Variants in PCDHGA1 observed in about 807,000 individuals in gnomAD.
PCDHGA1 encodes the protein protocadherin gamma-A1.
In PCDHGA1, 32 loss-of-function variants were observed where a neutral mutation model predicts 58.0. That is an observed-to-expected ratio of 0.55 (90% CI 0.42 to 0.74). The LOEUF (loss-of-function observed/expected upper bound fraction) is 0.74, where lower values mean the gene tolerates loss of function less well. Among genes scored for constraint, PCDHGA1 ranks in the 30% least tolerant of loss-of-function variants. PCDHGA1 has a pLI of 0.00. For synonymous variants in PCDHGA1, 498 were observed against 501.1 expected, an observed-to-expected ratio of 0.99 and a Z score of 0.08; for missense variants, 1,205 against 1,182.3, an observed-to-expected ratio of 1.02 and a Z score of -0.28.
chr5:141,337,259 A>G (rs930565025), intron 1 of PCDHGA1, among the ~76,000 whole-genome samples: 3 of 152,256 alleles, frequency 2.0e-5, no homozygotes, highest in African/African-American at 7.2e-5. Context: ...TAATCCAGCA[A>G]TTCCACTCTG....
At chr5:141,422,206 G>C (rs1269700250) in intron 1 of PCDHGA1, 2 of 1,562,442 alleles carry the variant, frequency 1.3e-6, no homozygotes, top group East Asian at 4.5e-5. Context: ...AGATGGTGGA[G>C]GTCTCTTTAC....
intron 1 of PCDHGA1, chr5:141,390,885 TGTGA>T (rs2092262333): frequency 6.5e-6 from 1 of 152,688 alleles, no homozygotes; most frequent in African/African-American, 2.4e-5. Flanking sequence ...TGTGTGTGTG[TGTGA>T]GAGAGATCCT....
chr5:141,376,309 C>A (rs775051431), intron 1 of PCDHGA1: 109 of 1,614,030 alleles, frequency 6.8e-5, no homozygotes, highest in Non-Finnish European at 8.9e-5. Context: ...ACTTTGTGGG[C>A]GTGGAAGGGG....
intron 2 of PCDHGA1, among the ~76,000 whole-genome samples, chr5:141,504,369 A>G (rs968327872): frequency 6.6e-5 from 10 of 152,272 alleles, no homozygotes; most frequent in Non-Finnish European, 1.2e-4. Context: ...AGTAGGAAGC[A>G]GGTGGAGTCG....
chr5:141,485,814 CT>C lies in PCDHGA1; in HGVS notation c.2422-8992del, dbSNP rs2099619658. On this transcript the variant is annotated intron_variant, in intron 1 of 3. Transcript: ENST00000517417. The surrounding 1 kb of genome is among the most constrained non-coding windows in gnomAD (Gnocchi z 5.7). ...TCGGACTACCGCCTGGTGCTGACTGCTGTCGATGGAGGGAACCCGCCGAGAT... is the reference window on the plus strand; with the variant it reads ...TCGGACTACCGCCTGGTGCTGACTGCGTCGATGGAGGGAACCCGCCGAGAT... The C allele has an allele frequency of 6.2e-7, 1 of 1,613,864 alleles. No individual in the cohort carries two copies. Among genetic ancestry groups the C allele is most frequent in the Non-Finnish European group, 8.5e-7 (1 of 1,179,990 alleles).
At position 141,331,680 on chromosome 5, in the gene PCDHGA1, G is replaced by C. The variant is rs763458710; in HGVS notation, c.996G>C (p.Lys332Asn). ...GTGCGGGGCTCATGGCTAAAGTTAAGGTACTGATCAAAGTTTTGGATGTAA... is the reference window on the plus strand; with the variant it reads ...GTGCGGGGCTCATGGCTAAAGTTAACGTACTGATCAAAGTTTTGGATGTAA... ...QDGAGLMAKV[K>N]VLIKVLDVND... Residue 332 changes from lysine (K) to asparagine (N), a missense_variant, in exon 1 of 4, where the codon AAG (lysine) becomes AAC (asparagine). Lys to Asn is a moderately conservative substitution (Grantham distance 94). Transcript: ENST00000517417. 1 of 1,613,938 alleles carries C rather than the reference G, an allele frequency of 6.2e-7. No individual in the cohort carries two copies. The highest frequency in any genetic ancestry group is 1.1e-5 in the South Asian group (1 of 91,072).
At chr5:141,376,453 T>C (rs779136467) in intron 1 of PCDHGA1, 2 of 1,614,048 alleles carry the variant, frequency 1.2e-6, no homozygotes, top group African/African-American at 2.7e-5. Flanking sequence ...AAAGCGAGCC[T>C]CTTCTGATAA....
At chr5:141,445,471 T>A (rs533909401) in intron 1 of PCDHGA1, among the ~76,000 whole-genome samples, 17 of 152,204 alleles carry the variant, frequency 1.1e-4, no homozygotes, top group Non-Finnish European at 2.4e-4. Context: ...AAGGCATATA[T>A]GATTCCTGAG....
At chr5:141,479,651 C>CAAA (rs931031810) in intron 1 of PCDHGA1, 2 of 152,124 alleles carry the variant, frequency 1.3e-5, no homozygotes, top group African/African-American at 2.4e-5. Flanking sequence ...ACAACAACAA[C>CAAA]AATCCCAGAA....
chr5:141,400,690 A>G (rs928893484), intron 1 of PCDHGA1: 6 of 790,238 alleles, frequency 7.6e-6, no homozygotes, highest in Non-Finnish European at 8.1e-6. Flanking sequence ...GTGAGTTTTT[A>G]TGTCGCATAA....
rs1167295957 is a variant in PCDHGA1 at position 141,382,977 on chromosome 5, CT to C, written c.2421+49873del. On this transcript the variant is annotated intron_variant, in intron 1 of 3. Coordinates refer to ENST00000517417, the MANE Select transcript of PCDHGA1 (RefSeq NM_018912.3). Reference sequence around the variant, plus strand: ...TCCTCCTGGGGACCCCCTGGGAAGCCTGGGCAGGACGTATTCTCTACTCCGT... The same window carrying C: ...TCCTCCTGGGGACCCCCTGGGAAGCCGGGCAGGACGTATTCTCTACTCCGT... The C allele has an allele frequency of 4.3e-6, 7 of 1,610,566 alleles. No homozygotes were observed. The South Asian group carries it at 7.7e-5, about 18-fold the overall frequency.
At chr5:141,359,388 T>C (rs960100027) in intron 1 of PCDHGA1, among the ~76,000 whole-genome samples, 6 of 152,096 alleles carry the variant, frequency 3.9e-5, no homozygotes, top group African/African-American at 9.7e-5. Context: ...ATTTATAACC[T>C]AAAATCAAAT....
At chr5:141,339,787 C>T in intron 1 of PCDHGA1, 2 of 1,614,204 alleles carry the variant, frequency 1.2e-6, no homozygotes, top group Non-Finnish European at 1.7e-6. Context: ...CAGATGAGGG[C>T]TACTACGCTC....
At position 141,434,771 on chromosome 5, in the gene PCDHGA1, TA is replaced by T. The variant is rs36031641; in HGVS notation, c.2422-60023del. On this transcript the variant is annotated intron_variant, in intron 1 of 3. Transcript: ENST00000517417. ...CCCCTGATTCCCCACTTCACACTTC[TA>T]AAAAAAAAAAAATTTTTTTTTCTGA... 2.5e-3 allele frequency among the ~76,000 whole-genome samples: 362 copies of T among 145,286 alleles called. 1 individual carries two copies. The highest frequency in any genetic ancestry group is 0.011 in the Middle Eastern group (3 of 280).
intron 1 of PCDHGA1, chr5:141,392,586 C>A: frequency 2.1e-6 from 1 of 478,230 alleles, no homozygotes; most frequent in Non-Finnish European, 3.7e-6. Flanking sequence ...GTAAGCGCCG[C>A]TGTTCACCTA....
chr5:141,400,516 C>T, intron 1 of PCDHGA1: 2 of 1,613,964 alleles, frequency 1.2e-6, no homozygotes, highest in African/African-American at 1.3e-5. Context: ...GACTTCCCAT[C>T]CTGAGTTGGT....
intron 1 of PCDHGA1, among the ~76,000 whole-genome samples, chr5:141,407,131 T>C (rs1164616354): frequency 6.6e-6 from 1 of 152,226 alleles, no homozygotes; most frequent in African/African-American, 2.4e-5. Context: ...TGCTTTATTT[T>C]TAAGAAAAAA....
At chr5:141,364,099 G>T in intron 1 of PCDHGA1, 1 of 407,086 alleles carries the variant, frequency 2.5e-6, no homozygotes, top group Non-Finnish European at 4.3e-6. Context: ...ATTTGATGCA[G>T]TCACTGGTTA....
chr5:141,356,148 CAT>C (rs1275291606), intron 1 of PCDHGA1: 4 of 1,613,436 alleles, frequency 2.5e-6, no homozygotes, highest in Admixed American at 1.7e-5. Context: ...GATTCTATGA[CAT>C]AGATGTAGAA....
Sources: gnomAD v4.1 joint callset for allele counts (sites outside exome capture counted in the v4.1 genomes callset) on GRCh38, gnomAD v4.1.1 for gene constraint, Gnocchi (gnomAD v3.1) non-coding constraint, MANE v1.5 for transcripts, NCBI Gene and HGNC (gene_info 2026-07-23, HGNC 2026-07-21) for gene names.